Variants in CNTN3 observed in about 807,000 individuals in gnomAD.
CNTN3 encodes contactin-3.
A neutral mutation model predicts 119.1 loss-of-function variants in CNTN3; 60 were observed. The ratio of observed to expected loss-of-function variants is 0.50; its 90% confidence interval spans 0.41 to 0.62. The LOEUF is 0.62. Among genes scored for constraint, CNTN3 ranks in the 20% least tolerant of loss-of-function variants. The pLI is 0.00. For synonymous variants in CNTN3, 450 were observed against 438.7 expected, an observed-to-expected ratio of 1.03 and a Z score of -0.32; for missense variants, 1,101 against 1,242.4, an observed-to-expected ratio of 0.89 and a Z score of 1.71.
chr3:74,429,009 G>A (rs528294106), intron 4 of CNTN3, among the ~76,000 whole-genome samples: 2 of 152,222 alleles, frequency 1.3e-5, no homozygotes, highest in Middle Eastern at 3.4e-3. Flanking sequence ...TGTGTAGTAG[G>A]TTATACCATC....
At chr3:74,332,121 C>T (rs1703279196) in intron 13 of CNTN3, among the ~76,000 whole-genome samples, 1 of 152,162 alleles carries the variant, frequency 6.6e-6, no homozygotes, top group Non-Finnish European at 1.5e-5. Flanking sequence ...TATCAGCCTC[C>T]TTGTTCACAT....
At chr3:74,279,642 A>C in intron 20 of CNTN3, among the ~76,000 whole-genome samples, 1 of 141,780 alleles carries the variant, frequency 7.1e-6, no homozygotes, top group South Asian at 2.6e-4. Context: ...CTTGGGGGGA[A>C]GGTTGGGAGG....
chr3:74,574,515 A>T (rs1704383379), intron 1 of CNTN3, among the ~76,000 whole-genome samples: 1 of 152,218 alleles, frequency 6.6e-6, no homozygotes, highest in Admixed American at 6.5e-5. Context: ...CATTAAATTA[A>T]ACCACGTTTA....
intron 4 of CNTN3, among the ~76,000 whole-genome samples, chr3:74,429,693 T>TA (rs1459050844): frequency 6.6e-6 from 1 of 151,938 alleles, no homozygotes; most frequent in Non-Finnish European, 1.5e-5. Context: ...AAAGAGGATG[T>TA]AAAGAAAAGC....
chr3:74,426,613 T>G (rs1171686941), intron 4 of CNTN3, among the ~76,000 whole-genome samples: 2 of 152,120 alleles, frequency 1.3e-5, no homozygotes, highest in Admixed American at 1.3e-4. Flanking sequence ...TCAGCAAAAC[T>G]CTCTTGTGTG....
intron 4 of CNTN3, among the ~76,000 whole-genome samples, chr3:74,467,120 A>C (rs1052125539): frequency 6.6e-6 from 1 of 152,130 alleles, no homozygotes; most frequent in East Asian, 1.9e-4. Context: ...AATTTTTTTC[A>C]AAAAAGGTAT....
At chr3:74,483,610 T>G (rs973123966) in intron 4 of CNTN3, among the ~76,000 whole-genome samples, 1 of 152,098 alleles carries the variant, frequency 6.6e-6, no homozygotes, top group Non-Finnish European at 1.5e-5. Context: ...CTAAGCCCAG[T>G]GTTTCCCATA....
At chr3:74,471,503 C>A (rs760934834) in intron 4 of CNTN3, among the ~76,000 whole-genome samples, 4 of 152,046 alleles carry the variant, frequency 2.6e-5, no homozygotes, top group Non-Finnish European at 5.9e-5. Context: ...TGTTTGAATC[C>A]TTGATCCTCT....
At chr3:74,367,727 C>A (rs1704233703) in intron 8 of CNTN3, among the ~76,000 whole-genome samples, 1 of 151,882 alleles carries the variant, frequency 6.6e-6, no homozygotes, top group African/African-American at 2.4e-5. Context: ...AATTAAATGA[C>A]AATTTAGCTT....
At chr3:74,455,742 C>G (rs193057006) in intron 4 of CNTN3, among the ~76,000 whole-genome samples, 3 of 152,154 alleles carry the variant, frequency 2.0e-5, no homozygotes, top group Admixed American at 2.0e-4. Flanking sequence ...AGCTGCAGGT[C>G]TGTTGGAGTT....
At chr3:74,609,492 T>G (rs1464405637) in intron 1 of CNTN3, among the ~76,000 whole-genome samples, 3 of 152,186 alleles carry the variant, frequency 2.0e-5, no homozygotes, top group African/African-American at 4.8e-5. Flanking sequence ...TCCAGATGCC[T>G]TGATGACCCC....
At chr3:74,605,691 CTG>C (rs3086158) in intron 1 of CNTN3, among the ~76,000 whole-genome samples, 3,871 of 152,236 alleles carry the variant, frequency 0.025, 78 homozygotes, top group South Asian at 0.041. Flanking sequence ...TCTGTGTGAC[CTG>C]TGTTTCTCAA....
intron 18 of CNTN3, among the ~76,000 whole-genome samples, chr3:74,297,044 G>T (rs1159330813): frequency 1.3e-5 from 2 of 151,926 alleles, no homozygotes; most frequent in Non-Finnish European, 2.9e-5. Context: ...AAACAGAACG[G>T]GTCCAGAGTG....
intron 1 of CNTN3, among the ~76,000 whole-genome samples, chr3:74,612,361 A>T (rs977214212): frequency 6.6e-5 from 10 of 152,234 alleles, no homozygotes; most frequent in African/African-American, 2.2e-4. Context: ...GAAAGTGCTC[A>T]GCACTTTGCT....
At chr3:74,396,746 GAA>G (rs61397069) in intron 5 of CNTN3, among the ~76,000 whole-genome samples, 3,329 of 98,726 alleles carry the variant, frequency 0.034, 43 homozygotes, top group Non-Finnish European at 0.048. Flanking sequence ...TTCCGCCTCA[GAA>G]AAAAAAAAAA....
At chr3:74,461,226 A>C (rs1702361708) in intron 4 of CNTN3, among the ~76,000 whole-genome samples, 1 of 151,956 alleles carries the variant, frequency 6.6e-6, no homozygotes, top group Non-Finnish European at 1.5e-5. Context: ...ATGATGTATA[A>C]ATCTTTTAAT....
chr3:74,347,592 T>G (rs549434786), intron 11 of CNTN3, among the ~76,000 whole-genome samples: 1 of 152,222 alleles, frequency 6.6e-6, no homozygotes, highest in Non-Finnish European at 1.5e-5. Flanking sequence ...TTTTTCTTTA[T>G]GGCTAAAAAA....
At chr3:74,533,654 GTAT>G (rs956436536) in intron 1 of CNTN3, among the ~76,000 whole-genome samples, 1 of 151,902 alleles carries the variant, frequency 6.6e-6, no homozygotes, top group African/African-American at 2.4e-5. Context: ...CAATCCCTGG[GTAT>G]TATTATTTGG....
intron 1 of CNTN3, among the ~76,000 whole-genome samples, chr3:74,562,990 C>T (rs994294004): frequency 1.3e-5 from 2 of 152,106 alleles, no homozygotes; most frequent in Admixed American, 6.6e-5. Context: ...AATGATAAAG[C>T]GGCTGCAGAT....
Sources: allele counts gnomAD v4.1 joint callset (sites outside exome capture counted in the v4.1 genomes callset), GRCh38; gene constraint gnomAD v4.1.1; transcripts MANE v1.5; gene names NCBI Gene and HGNC (gene_info 2026-07-23, HGNC 2026-07-21).